The following STOX2 variants were observed in gnomAD, a reference collection of about 807,000 sequenced individuals.
The protein encoded by STOX2 is storkhead box 2.
A neutral mutation model predicts 60.9 loss-of-function variants in STOX2; 28 were observed. The observed-to-expected ratio is 0.46, with a 90% CI of 0.34 to 0.63. The LOEUF (loss-of-function observed/expected upper bound fraction) is 0.63, where lower values mean the gene tolerates loss of function less well. STOX2 is among the 30% of genes least tolerant of loss of function. The probability of loss-of-function intolerance (pLI) is 0.01; values close to 1 mark genes in which losing one functional copy is unlikely to be tolerated. For synonymous variants in STOX2, 472 were observed against 463.9 expected, an observed-to-expected ratio of 1.02 and a Z score of -0.22; for missense variants, 1,024 against 1,187.7, an observed-to-expected ratio of 0.86 and a Z score of 2.03.
intron 1 of STOX2, among the ~76,000 whole-genome samples, chr4:183,857,441 A>G (rs1740327810): frequency 6.7e-6 from 1 of 149,690 alleles, no homozygotes; most frequent in Admixed American, 6.7e-5. Context: ...ATCCTGCAGG[A>G]CTGGTTATCC....
intron 1 of STOX2, chr4:183,798,874 G>C (rs1738694463): frequency 1.2e-6 from 1 of 812,514 alleles, no homozygotes; most frequent in South Asian, 5.8e-5. Context: ...ATATACTTTT[G>C]AGTTTTGTAC....
At chr4:183,879,841 G>C (rs1490222187) in intron 1 of STOX2, among the ~76,000 whole-genome samples, 1 of 152,036 alleles carries the variant, frequency 6.6e-6, no homozygotes, top group South Asian at 2.1e-4. Flanking sequence ...AGAAGAACGT[G>C]GGGGGATGGC....
chr4:183,860,456 A>AG (rs1354746437), intron 1 of STOX2, among the ~76,000 whole-genome samples: 11 of 149,582 alleles, frequency 7.4e-5, no homozygotes, highest in South Asian at 6.4e-4. Context: ...AAAAAAAAAA[A>AG]AAGAAGAAAA....
At chr4:183,813,508 C>G (rs969523193) in intron 1 of STOX2, among the ~76,000 whole-genome samples, 1 of 152,174 alleles carries the variant, frequency 6.6e-6, no homozygotes, top group Non-Finnish European at 1.5e-5. Context: ...TGTGAATACT[C>G]TGCCATTTGA....
chr4:183,840,348 A>G (rs563242000), intron 1 of STOX2, among the ~76,000 whole-genome samples: 32 of 152,302 alleles, frequency 2.1e-4, no homozygotes, highest in African/African-American at 6.7e-4. Context: ...TCCATGTAAC[A>G]GTCAATTCCT....
intron 1 of STOX2, among the ~76,000 whole-genome samples, chr4:183,886,139 T>C (rs9994294): frequency 0.047 from 1,057 of 22,466 alleles, 214 homozygotes; most frequent in African/African-American, 0.065. Context: ...CAGATGGTTG[T>C]TGGATGGTAT....
intron 1 of STOX2, among the ~76,000 whole-genome samples, chr4:183,830,278 A>G (rs1739535616): frequency 6.6e-6 from 1 of 152,194 alleles, no homozygotes; most frequent in Non-Finnish European, 1.5e-5. Flanking sequence ...TGTTCTAACT[A>G]TAATTAAAAG....
chr4:183,936,359 C>T (rs972809704), intron 1 of STOX2, among the ~76,000 whole-genome samples: 1 of 151,978 alleles, frequency 6.6e-6, no homozygotes, highest in African/African-American at 2.4e-5. Context: ...GTTTGTAAGG[C>T]TGTGATTGAT....
chr4:183,889,218 T>C (rs911245053), intron 1 of STOX2, among the ~76,000 whole-genome samples: 1 of 151,876 alleles, frequency 6.6e-6, no homozygotes, highest in African/African-American at 2.4e-5. Flanking sequence ...GGCGATATCA[T>C]TAGTTAAGAG....
chr4:183,841,789 T>A (rs1372065512), intron 1 of STOX2, among the ~76,000 whole-genome samples: 2 of 152,168 alleles, frequency 1.3e-5, no homozygotes, highest in African/African-American at 4.8e-5. Context: ...AATGATGAAA[T>A]CAAATACTAA....
chr4:183,994,767 T>C (rs1045842097), intron 1 of STOX2, among the ~76,000 whole-genome samples: 13 of 152,228 alleles, frequency 8.5e-5, no homozygotes, highest in African/African-American at 3.1e-4. Context: ...AATTATAAAC[T>C]AGTACAGTTT....
intron 1 of STOX2, among the ~76,000 whole-genome samples, chr4:183,879,463 A>G (rs1006653711): frequency 2.6e-5 from 4 of 152,192 alleles, no homozygotes; most frequent in Admixed American, 1.3e-4. Flanking sequence ...GCACGAGTTC[A>G]CAATGCGGCT....
chr4:183,988,169 G>A (rs1732933593), intron 1 of STOX2: 1 of 152,156 alleles, frequency 6.6e-6, no homozygotes, highest in Admixed American at 6.5e-5. Context: ...ACAAACAGAG[G>A]CTGTAGCTTT....
intron 1 of STOX2, among the ~76,000 whole-genome samples, chr4:183,980,631 A>G (rs1237166430): frequency 6.6e-6 from 1 of 151,884 alleles, no homozygotes; most frequent in Non-Finnish European, 1.5e-5. Flanking sequence ...ATGTTTGGCC[A>G]GTATTTCTTT....
In STOX2 at chr4:184,009,154, T is replaced by TTTTC; in HGVS notation, c.320-4_320-3insTTTC. ...ACAAGTGGTTTTTTTTTTTTTTTTTTCAGGTGTTCCAACGCCAAGCCAAGA... is the reference window on the plus strand; with the variant it reads ...ACAAGTGGTTTTTTTTTTTTTTTTTTTTTCCAGGTGTTCCAACGCCAAGCCAAGA... On this transcript the variant is annotated splice_region_variant and splice_polypyrimidine_tract_variant and intron_variant, in intron 2 of 3. Transcript: ENST00000308497. The surrounding 1 kb of genome is among the most constrained non-coding windows in gnomAD (Gnocchi z 4.0). The TTTTC allele has an allele frequency of 6.8e-7, 1 of 1,470,564 alleles. No homozygotes were observed. Among genetic ancestry groups the TTTTC allele is most frequent in the Non-Finnish European group, 9.1e-7 (1 of 1,104,704 alleles). The allele number at this position is 1,470,564 out of a possible 1,614,324, so 91.1% of individuals were successfully genotyped here.
At chr4:183,962,027 G>A (rs1450180687) in intron 1 of STOX2, among the ~76,000 whole-genome samples, 2 of 152,150 alleles carry the variant, frequency 1.3e-5, no homozygotes, top group African/African-American at 4.8e-5. Flanking sequence ...GATGAGACAG[G>A]CACTTTTTCT....
chr4:183,833,302 G>A (rs1215854252), intron 1 of STOX2, among the ~76,000 whole-genome samples: 2 of 152,148 alleles, frequency 1.3e-5, no homozygotes, highest in African/African-American at 4.8e-5. Flanking sequence ...TTAGCAGAAC[G>A]CTTAGGTCTG....
chr4:183,938,166 A>C (rs544383795), intron 1 of STOX2, among the ~76,000 whole-genome samples: 1 of 152,140 alleles, frequency 6.6e-6, no homozygotes, highest in Non-Finnish European at 1.5e-5. Context: ...AAAACAAAAC[A>C]GTTCTGAACT....
chr4:183,949,038 A>G (rs1276834118), intron 1 of STOX2, among the ~76,000 whole-genome samples: 1 of 152,156 alleles, frequency 6.6e-6, no homozygotes, highest in Non-Finnish European at 1.5e-5. Context: ...AGTGATATCC[A>G]CTAAGCAGAG....
Sources: allele counts gnomAD v4.1 joint callset (sites outside exome capture counted in the v4.1 genomes callset), GRCh38; gene constraint gnomAD v4.1.1; non-coding constraint Gnocchi (gnomAD v3.1); transcripts MANE v1.5; gene names NCBI Gene and HGNC (gene_info 2026-07-23, HGNC 2026-07-21).